Variants in CHODL observed in about 807,000 individuals in gnomAD.
CHODL encodes transmembrane protein MT75.
Under a neutral mutation model 34.5 loss-of-function variants are expected in CHODL, and 29 were observed. The ratio of observed to expected loss-of-function variants is 0.84; its 90% CI spans 0.63 to 1.15. CHODL has a LOEUF of 1.15. Among genes scored for constraint, CHODL ranks in the 50% most tolerant of loss-of-function variants. CHODL has a pLI of 0.00. For missense variants in CHODL, 332 were observed against 332.5 expected (o/e 1.00, Z 0.01); for synonymous variants, 125 against 116.1 (o/e 1.08, Z -0.49).
chr21:18,156,090 T>A (rs1232235863), intron 2 of CHODL, among the ~76,000 whole-genome samples: 6 of 152,190 alleles, frequency 3.9e-5, no homozygotes, highest in Non-Finnish European at 5.9e-5. Context: ...TCTTTTGACC[T>A]TGGACGTGGG....
intron 2 of CHODL, among the ~76,000 whole-genome samples, chr21:18,070,143 A>T (rs1217011738): frequency 6.6e-6 from 1 of 151,154 alleles, no homozygotes; most frequent in Non-Finnish European, 1.5e-5. Flanking sequence ...TGCTCAGGTG[A>T]TGGGTGCACC....
chr21:18,059,645 C>T (rs2064632108), intron 2 of CHODL, among the ~76,000 whole-genome samples: 1 of 152,142 alleles, frequency 6.6e-6, no homozygotes, highest in South Asian at 2.1e-4. Flanking sequence ...GATGCTCTCC[C>T]TCCCCAGCAC....
rs2074455238 is a variant in CHODL, at chr21:18,265,951, C to CTGA, written c.738-3_738-2insTGA. ...ACTAAACATTTTTTCTTATGTTTTTCAGTAAAGGAAGAACAAAAACTAGTC... is the reference window on the plus strand; with the variant it reads ...ACTAAACATTTTTTCTTATGTTTTTCTGAAGTAAAGGAAGAACAAAAACTAGTC... On this transcript the variant is annotated splice_region_variant and splice_polypyrimidine_tract_variant and intron_variant, in intron 5 of 5. Transcript: ENST00000299295. 1 of 1,605,536 alleles carries CTGA rather than the reference C, an allele frequency of 6.2e-7. No individual in the cohort carries two copies. The highest frequency in any genetic ancestry group is 1.1e-5 in the South Asian group (1 of 89,036).
chr21:18,176,462 C>T (rs2073314222), intron 2 of CHODL, among the ~76,000 whole-genome samples: 1 of 152,088 alleles, frequency 6.6e-6, no homozygotes, highest in South Asian at 2.1e-4. Flanking sequence ...AAAATGAACA[C>T]ATATAAATGA....
intron 2 of CHODL, among the ~76,000 whole-genome samples, chr21:18,137,183 A>T (rs1003498640): frequency 2.6e-5 from 4 of 152,066 alleles, no homozygotes; most frequent in African/African-American, 9.7e-5. Flanking sequence ...AAAGGAATTG[A>T]TGTTGTCCAG....
At chr21:18,224,871 T>C (rs1455302966) in intron 2 of CHODL, among the ~76,000 whole-genome samples, 2 of 152,150 alleles carry the variant, frequency 1.3e-5, no homozygotes, top group African/African-American at 4.8e-5. Context: ...TTTCAGTCAG[T>C]ATAATACCAC....
intron 2 of CHODL, among the ~76,000 whole-genome samples, chr21:18,177,985 A>G (rs748174251): frequency 2.6e-5 from 4 of 152,174 alleles, no homozygotes; most frequent in East Asian, 1.9e-4. Flanking sequence ...ATGTTTCTCA[A>G]TATTTTCATT....
chr21:18,232,955 A>ATATATATATATATATATGTATATATATG (rs2073995787), intron 2 of CHODL, among the ~76,000 whole-genome samples: 1 of 140,940 alleles, frequency 7.1e-6, no homozygotes, highest in Non-Finnish European at 1.5e-5. Flanking sequence ...ATATATATAT[A>ATATATATATATATATATGTATATATATG]TATATATATA....
intron 2 of CHODL, among the ~76,000 whole-genome samples, chr21:18,032,020 T>C (rs912278665): frequency 3.3e-5 from 5 of 152,044 alleles, no homozygotes; most frequent in Non-Finnish European, 5.9e-5. Flanking sequence ...TTACCAGTCA[T>C]AGTATGGGCT....
chr21:17,947,940 G>A (rs2063425303), intron 1 of CHODL, among the ~76,000 whole-genome samples: 1 of 152,220 alleles, frequency 6.6e-6, no homozygotes, highest in East Asian at 1.9e-4. Context: ...AGAAAATGTG[G>A]CATATATATA....
chr21:18,150,704 C>G (rs947559529), intron 2 of CHODL, among the ~76,000 whole-genome samples: 5 of 152,136 alleles, frequency 3.3e-5, no homozygotes, highest in Non-Finnish European at 7.4e-5. Flanking sequence ...CTGCCACACC[C>G]TTATTATTTC....
chr21:17,941,286 C>CTTT (rs34255623), intron 1 of CHODL, among the ~76,000 whole-genome samples: 31 of 87,894 alleles, frequency 3.5e-4, no homozygotes, highest in East Asian at 4.2e-4. Context: ...TAACTTGCCT[C>CTTT]TTTTTTTTTT....
At chr21:18,051,414 T>A (rs1247422221) in intron 2 of CHODL, among the ~76,000 whole-genome samples, 1 of 151,830 alleles carries the variant, frequency 6.6e-6, no homozygotes, top group African/African-American at 2.4e-5. Flanking sequence ...TTTTTTTTTT[T>A]TTTATTTTTT....
intron 1 of CHODL, among the ~76,000 whole-genome samples, chr21:18,252,842 G>C (rs75385833): frequency 6.6e-6 from 1 of 151,818 alleles, no homozygotes; most frequent in Non-Finnish European, 1.5e-5. Flanking sequence ...AGAGTCTCCC[G>C]ACCGTGCAGC....
rs79060083 is a variant in CHODL at position 18,025,533 on chromosome 21, C to T, written c.-144-2339C>T. ...GTAAATCTATGTCCCTCTACTTCTTCGTTCGGTTTCAATACATATTTCATA... is the reference window on the plus strand; with the variant it reads ...GTAAATCTATGTCCCTCTACTTCTTTGTTCGGTTTCAATACATATTTCATA... On this transcript the variant is annotated intron_variant, in intron 1 of 6. Coordinates refer to the CHODL transcript ENST00000400127. 4.8e-3 allele frequency among the ~76,000 whole-genome samples: 730 copies of T among 152,158 alleles called. 8 individuals carry two copies. Among genetic ancestry groups the T allele is most frequent in the African/African-American group, 0.017 (699 of 41,514 alleles).
rs1177005708 is a variant in CHODL at position 18,171,198 on chromosome 21, GTTT to G, written c.-44-85294_-44-85292del. 3.8e-4 allele frequency among the ~76,000 whole-genome samples: 14 copies of G among 37,066 alleles called. 5 individuals carry two copies. Among genetic ancestry groups the G allele is most frequent in the African/African-American group, 1.7e-3 (12 of 6,942 alleles). The allele number at this position is 37,066 out of a possible 152,430, so 24.3% of individuals were successfully genotyped here. The stretch of plus-strand genomic sequence containing the variant: ...TGTTCTTCAGACATGGTTTTCTTTA[GTTT>G]TTTTTTTTTTTTTTTTGAGACGGAG... On this transcript the variant is annotated intron_variant, in intron 2 of 6. Coordinates refer to the CHODL transcript ENST00000400127.
At chr21:17,991,938 A>G (rs1238069188) in intron 1 of CHODL, among the ~76,000 whole-genome samples, 3 of 152,038 alleles carry the variant, frequency 2.0e-5, no homozygotes, top group Non-Finnish European at 4.4e-5. Flanking sequence ...GTTTTCTTTT[A>G]GTAGTTTTAT....
chr21:18,150,785 A>G (rs957407921), intron 2 of CHODL, among the ~76,000 whole-genome samples: 1 of 152,102 alleles, frequency 6.6e-6, no homozygotes, highest in Non-Finnish European at 1.5e-5. Context: ...GGGACTGGCC[A>G]TAAAGAAATT....
At chr21:17,989,944 A>C (rs2063783777) in intron 1 of CHODL, among the ~76,000 whole-genome samples, 1 of 152,126 alleles carries the variant, frequency 6.6e-6, no homozygotes, top group Non-Finnish European at 1.5e-5. Flanking sequence ...TTCTTTGCTT[A>C]ACATAACAAG....
Sources: gnomAD v4.1 joint callset for allele counts (sites outside exome capture counted in the v4.1 genomes callset) on GRCh38, gnomAD v4.1.1 for gene constraint, MANE v1.5 for transcripts, NCBI Gene and HGNC (gene_info 2026-07-23, HGNC 2026-07-21) for gene names.